The following BRD1 variants were observed in gnomAD, a reference collection of about 807,000 sequenced individuals.
BRD1 encodes bromodomain-containing protein 1.
BRD1 carries 24 observed loss-of-function variants against 107.7 expected under a neutral mutation model. The ratio of observed to expected loss-of-function variants is 0.22; its 90% CI spans 0.16 to 0.31. BRD1 has a LOEUF of 0.31. Among genes scored for constraint, BRD1 ranks in the 10% least tolerant of loss-of-function variants. The pLI is 1.00. For synonymous variants in BRD1, 744 were observed against 686.1 expected (o/e 1.08, Z -1.32); for missense variants, 1,279 against 1,638.6 (o/e 0.78, Z 3.79).
intron 8 of BRD1, among the ~76,000 whole-genome samples, chr22:49,778,763 G>A (rs981543760): frequency 2.6e-5 from 4 of 152,266 alleles, no homozygotes; most frequent in African/African-American, 7.2e-5. Context: ...CCGGGTTCAC[G>A]CCATTCTCCT....
chr22:49,822,536 C>T (rs139676871), intron 2 of BRD1, among the ~76,000 whole-genome samples: 78 of 152,002 alleles, frequency 5.1e-4, no homozygotes, highest in Middle Eastern at 3.4e-3. Flanking sequence ...GGTGAAACCC[C>T]GTCTCTACTT....
intron 2 of BRD1, among the ~76,000 whole-genome samples, chr22:49,818,941 G>A (rs990019570): frequency 6.6e-6 from 1 of 152,106 alleles, no homozygotes; most frequent in Non-Finnish European, 1.5e-5. Context: ...AAAAACTGAT[G>A]TATGCTGGAG....
intron 8 of BRD1, among the ~76,000 whole-genome samples, chr22:49,784,937 G>A (rs2059293488): frequency 6.6e-6 from 1 of 152,208 alleles, no homozygotes; most frequent in South Asian, 2.1e-4. Context: ...GCACCTCCAC[G>A]GAAATCCACT....
chr22:49,775,752 G>A lies in BRD1; in HGVS notation c.3232-7C>T, dbSNP rs779878983. Reference sequence around the variant, plus strand: ...GCATCTTGGGGTCGATGATCTGCACGAGAAGGACCCGCTGAGGTCATTGTG... The same window carrying A: ...GCATCTTGGGGTCGATGATCTGCACAAGAAGGACCCGCTGAGGTCATTGTG... On this transcript the variant is annotated splice_polypyrimidine_tract_variant and splice_region_variant and intron_variant, in intron 11 of 12. Transcript: ENST00000404760. The A allele has an allele frequency of 1.7e-5, 27 of 1,584,378 alleles. No homozygotes were observed. Among genetic ancestry groups the A allele is most frequent in the Admixed American group, 3.4e-5 (2 of 58,254 alleles).
At chr22:49,822,838 C>T (rs972593751) in intron 2 of BRD1, 113 bp downstream of exon 2, 46 of 1,266,304 alleles carry the variant, frequency 3.6e-5, no homozygotes, top group South Asian at 8.8e-5. Flanking sequence ...TAGGAAGCTG[C>T]GCCAACTAGA....
chr22:49,807,226 G>A (rs1260720156), intron 2 of BRD1: 1 of 152,166 alleles, frequency 6.6e-6, no homozygotes, highest in African/African-American at 2.4e-5. Context: ...CAGATCCAAT[G>A]CAATTCCTAT....
At chr22:49,779,660 C>T (rs939497398) in intron 8 of BRD1, among the ~76,000 whole-genome samples, 1 of 152,156 alleles carries the variant, frequency 6.6e-6, no homozygotes, top group African/African-American at 2.4e-5. Flanking sequence ...GCTCCACATG[C>T]TCCCCATACT....
Position 49,817,293 on chromosome 22 carries a change from A to C in BRD1, c.1367+5658T>G, listed in dbSNP as rs1480177408. The C allele has an allele frequency of 3.1e-5, 6 of 192,040 alleles. No homozygotes were observed. In the East Asian group the frequency reaches 8.4e-4, roughly 27 times the overall value. The allele number at this position is 192,040 out of a possible 1,614,324, so 11.9% of individuals were successfully genotyped here. ...CTCAAAAGGATGGCACTGGGGGTGC[A>C]TGACTGTTCATGAAGCCAAAGAGAA... is the stretch of plus-strand genomic sequence containing the variant. On this transcript the variant is annotated intron_variant, in intron 2 of 12. Transcript: ENST00000404760.
At position 49,777,181 on chromosome 22, in the gene BRD1, G is replaced by A. The variant is rs1442074522; in HGVS notation, c.2994-20C>T. 1.2e-6 allele frequency: 2 copies of A among 1,610,288 alleles called. No homozygotes were observed. The highest frequency in any genetic ancestry group is 1.3e-5 in the African/African-American group (1 of 74,934). On this transcript the variant is annotated intron_variant, in intron 9 of 12. Transcript: ENST00000404760. ...TTAAAGCTTCGGGAGGAAGAGCAGA[G>A]GGAGTCAGGCGCCCCGCCCCTGCCT...
At position 49,823,112 on chromosome 22, in the gene BRD1, C is replaced by T. The variant is rs1193720888; in HGVS notation, c.1206G>A (p.Gly402=). Residue 402 remains glycine (G), a synonymous_variant, in exon 2 of 13, where the codon GGG becomes GGA. Transcript: ENST00000404760. Reference sequence around the variant, plus strand: ...AGACGCCATTTTTCATTTCGACATCCCCGTAAATATTCAGAGGCCTCCGGG... The same window carrying T: ...AGACGCCATTTTTCATTTCGACATCTCCGTAAATATTCAGAGGCCTCCGGG... ...GCTRRPLNIY[G]DVEMKNGVCR... 1 of 1,614,082 alleles carries T rather than the reference C, an allele frequency of 6.2e-7. No homozygotes were observed. The highest frequency in any genetic ancestry group is 1.3e-5 in the African/African-American group (1 of 74,920).
In BRD1 at chr22:49,778,662, A is replaced by AT. The variant is rs770939387; in HGVS notation, c.2858-850dup. On this transcript the variant is annotated intron_variant, in intron 8 of 12. Coordinates refer to ENST00000404760, the MANE Select transcript of BRD1 (RefSeq NM_001304808.3). ...GGTGTCAGAGCTAAAGGGGTGTGTG[A>AT]TTTTTTTTTTCTTTTTTGAGGCGGA... 1.4e-4 allele frequency among the ~76,000 whole-genome samples: 21 copies of AT among 149,974 alleles called. No homozygotes were observed. In the South Asian group the frequency reaches 2.1e-3, roughly 15 times the overall value.
Position 49,823,930 on chromosome 22 carries a change from G to C in BRD1, c.388C>G (p.Pro130Ala). The part of the protein sequence containing the change: ...PKVRIVEYSP[P>A]SAPRRPPVYY... ...ACAGGAGGCCTCCTGGGGGCGGACG[G>C]AGGGCTGTACTCCACGATGCGCACC... Residue 130 changes from proline (P) to alanine (A), a missense_variant, in exon 2 of 13, where the codon CCG becomes GCG. This residue lies in a region of BRD1 where 223 missense variants were observed against 263.5 expected (regional missense o/e 0.85). Transcript: ENST00000404760. The C allele has an allele frequency of 6.2e-7, 1 of 1,614,224 alleles. No homozygotes were observed. Among genetic ancestry groups the C allele is most frequent in the Non-Finnish European group, 8.5e-7 (1 of 1,180,042 alleles).
intron 8 of BRD1, among the ~76,000 whole-genome samples, chr22:49,781,487 A>T (rs967121804): frequency 6.6e-6 from 1 of 152,198 alleles, no homozygotes; most frequent in African/African-American, 2.4e-5. Context: ...CCATGTGGAC[A>T]CCACAAATCC....
intron 8 of BRD1, among the ~76,000 whole-genome samples, chr22:49,781,434 A>T (rs527664620): frequency 9.2e-5 from 14 of 152,296 alleles, no homozygotes; most frequent in Admixed American, 8.5e-4. Flanking sequence ...GGTCTGACTG[A>T]TGGGCCGTAG....
At position 49,774,937 on chromosome 22, in the gene BRD1, C is replaced by T. The variant is rs139532022; in HGVS notation, c.3387-521G>A. ...ATAGGCAGGTGGCCCCGAGCCCCTG[C>T]GCCAGGTCCCAAGTGCAGCCAGCTC... On this transcript the variant is annotated intron_variant, in intron 12 of 12. Transcript: ENST00000404760. Among the ~76,000 whole-genome samples the T allele has an allele frequency of 3.5e-3, 528 of 152,354 alleles. 2 individuals carry two copies. The highest frequency in any genetic ancestry group is 0.012 in the African/African-American group (509 of 41,588).
chr22:49,827,000 G>A (rs980841416), intron 1 of BRD1, among the ~76,000 whole-genome samples: 5 of 152,088 alleles, frequency 3.3e-5, no homozygotes, highest in East Asian at 1.9e-4. Flanking sequence ...TCCCAAGCCC[G>A]GCCGCCGCAG....
rs529574022 is a variant in BRD1 at position 49,774,109 on chromosome 22, C to T, written c.*124G>A. 7.5e-7 allele frequency: 1 copy of T among 1,329,316 alleles called. No individual in the cohort carries two copies. 82.3% of individuals were successfully genotyped at this position (1,329,316 alleles called of 1,614,324 possible). A position where few individuals can be genotyped will look rare whatever the true frequency, so the allele number is the denominator to read the frequency against. ...AAAACTTGGAAATAAAACCTCCCCC[C>T]TCCCCGGGGAAAAAGAATTAAAGAG... On this transcript the variant is annotated 3_prime_UTR_variant, in exon 13 of 13. Transcript: ENST00000404760.
chr22:49,794,081 C>T lies in BRD1; in HGVS notation c.2312G>A (p.Gly771Asp), dbSNP rs753188812. Residue 771 changes from glycine to aspartate, a missense_variant, in exon 7 of 13, where the codon GGC (glycine) becomes GAC (aspartate). Around this residue, in one of 7 missense-constraint regions of BRD1, gnomAD observed 406 missense variants for 519.4 expected, o/e 0.78. Transcript: ENST00000404760. ...CAGCGCAGCTCCGTCCTCTTCGAAG[C>T]CTTCCAAGCCTGGCCCCGTGGGCAG... The part of the protein sequence containing the change: ...QPLPTGPGLE[G>D]FEEDGAALGP... 4.3e-5 allele frequency: 69 copies of T among 1,614,096 alleles called. No individual in the cohort carries two copies. The Admixed American group carries it at 6.5e-4, about 15-fold the overall frequency.
intron 8 of BRD1, among the ~76,000 whole-genome samples, chr22:49,786,142 A>G (rs1206749808): frequency 6.8e-6 from 1 of 147,512 alleles, no homozygotes; most frequent in African/African-American, 2.5e-5. Flanking sequence ...GAAAATGCGC[A>G]TCTCCTTATC....
Sources: allele counts gnomAD v4.1 joint callset (sites outside exome capture counted in the v4.1 genomes callset), GRCh38; gene constraint gnomAD v4.1.1; regional missense constraint gnomAD v4.1.1; transcripts MANE v1.5; gene names NCBI Gene and HGNC (gene_info 2026-07-23, HGNC 2026-07-21).